The following RHOBTB1 variants were observed in gnomAD, a reference collection of about 807,000 sequenced individuals.
The protein encoded by RHOBTB1 is Rho related BTB domain containing 1.
Under a neutral mutation model 71.6 loss-of-function variants are expected in RHOBTB1, and 40 were observed. The ratio of observed to expected loss-of-function variants is 0.56; its 90% confidence interval spans 0.43 to 0.73. RHOBTB1 has a LOEUF of 0.73. RHOBTB1 is among the 30% of genes least tolerant of loss of function. RHOBTB1 has a pLI of 0.00. For synonymous variants in RHOBTB1, 319 were observed against 334.9 expected (o/e 0.95, Z 0.52); for missense variants, 797 against 894.0 (o/e 0.89, Z 1.38).
chr10:60,912,433 C>T (rs1261157227), intron 2 of RHOBTB1, among the ~76,000 whole-genome samples: 1 of 152,028 alleles, frequency 6.6e-6, no homozygotes, highest in Non-Finnish European at 1.5e-5. Flanking sequence ...GGGGTTTTAC[C>T]ATGTTGGCCA....
At chr10:60,880,720 G>A (rs1324741338) in intron 7 of RHOBTB1, among the ~76,000 whole-genome samples, 1 of 152,084 alleles carries the variant, frequency 6.6e-6, no homozygotes, top group East Asian at 1.9e-4. Context: ...GCAATACACA[G>A]ATGTTGGAAC....
chr10:60,942,251 A>G (rs73266038), intron 1 of RHOBTB1, among the ~76,000 whole-genome samples: 1,880 of 152,334 alleles, frequency 0.012, 43 homozygotes, highest in African/African-American at 0.042. Context: ...ATCATAATTA[A>G]AAGACCAAAC....
intron 2 of RHOBTB1, among the ~76,000 whole-genome samples, chr10:60,919,714 C>A (rs2083453814): frequency 6.6e-6 from 1 of 152,158 alleles, no homozygotes; most frequent in African/African-American, 2.4e-5. Flanking sequence ...TACTACAGAA[C>A]CACCTGCTGA....
chr10:60,911,301 AC>A, intron 3 of RHOBTB1, 49 bp downstream of exon 3: 1 of 1,520,788 alleles, frequency 6.6e-7, no homozygotes, highest in Non-Finnish European at 8.9e-7. Flanking sequence ...CAGACTGGCA[AC>A]CAGCAATGAT....
intron 2 of RHOBTB1, among the ~76,000 whole-genome samples, chr10:60,984,378 G>A (rs751446523): frequency 6.6e-5 from 10 of 152,158 alleles, no homozygotes; most frequent in Non-Finnish European, 1.2e-4. Flanking sequence ...TTATTAATAA[G>A]TGTTTTATGC....
chr10:60,985,423 G>A (rs1476808121), intron 2 of RHOBTB1, among the ~76,000 whole-genome samples: 1 of 152,136 alleles, frequency 6.6e-6, no homozygotes, highest in East Asian at 1.9e-4. Flanking sequence ...CCAAGCTAAG[G>A]CATCTGGGAA....
chr10:60,911,026 C>A, intron 3 of RHOBTB1, 36 bp from the exon 4 acceptor site: 2 of 1,557,640 alleles, frequency 1.3e-6, no homozygotes, highest in South Asian at 1.1e-5. Context: ...TGCTCGGTGT[C>A]AGTCAGAAGT....
intron 2 of RHOBTB1, among the ~76,000 whole-genome samples, chr10:60,960,487 T>C (rs1012967512): frequency 6.6e-6 from 1 of 152,206 alleles, no homozygotes; most frequent in African/African-American, 2.4e-5. Context: ...TGTAACATAA[T>C]ATATTGTACC....
chr10:60,998,544 A>G (rs1318574761), intron 1 of RHOBTB1, among the ~76,000 whole-genome samples: 1 of 152,192 alleles, frequency 6.6e-6, no homozygotes. Context: ...GAAGAACAGA[A>G]AGGTGTTCAG....
chr10:60,952,200 ACTGT>A (rs1361846734), intron 2 of RHOBTB1, among the ~76,000 whole-genome samples: 1 of 152,156 alleles, frequency 6.6e-6, no homozygotes, highest in Non-Finnish European at 1.5e-5. Context: ...GAATTTTAAA[ACTGT>A]CTTTTATGGT....
At chr10:60,967,979 A>G (rs980538516) in intron 2 of RHOBTB1, among the ~76,000 whole-genome samples, 5 of 152,096 alleles carry the variant, frequency 3.3e-5, no homozygotes, top group African/African-American at 7.2e-5. Context: ...TCCTAGGAGA[A>G]TTTAGCGCTG....
chr10:60,919,069 G>A (rs938379285), intron 2 of RHOBTB1, among the ~76,000 whole-genome samples: 2 of 152,134 alleles, frequency 1.3e-5, no homozygotes, highest in Non-Finnish European at 2.9e-5. Flanking sequence ...TTCTATCAAG[G>A]CATGGTGAGC....
chr10:60,899,639 T>C (rs796304203), intron 4 of RHOBTB1, among the ~76,000 whole-genome samples: 17 of 152,330 alleles, frequency 1.1e-4, no homozygotes, highest in African/African-American at 3.1e-4. Context: ...GTATTATTCA[T>C]CAACCATCTA....
intron 1 of RHOBTB1, among the ~76,000 whole-genome samples, chr10:60,995,804 C>G (rs2087027817): frequency 6.6e-6 from 1 of 151,674 alleles, no homozygotes; most frequent in Non-Finnish European, 1.5e-5. Flanking sequence ...TATTCAAATC[C>G]AGAAATCAAT....
At chr10:60,887,989 C>G (rs1403118785) in intron 6 of RHOBTB1, among the ~76,000 whole-genome samples, 1 of 152,204 alleles carries the variant, frequency 6.6e-6, no homozygotes, top group East Asian at 1.9e-4. Flanking sequence ...CCTAACCTCT[C>G]TGTCCCTTGG....
chr10:60,957,523 T>G (rs1258538494), intron 2 of RHOBTB1, among the ~76,000 whole-genome samples: 1 of 152,156 alleles, frequency 6.6e-6, no homozygotes, highest in Non-Finnish European at 1.5e-5. Flanking sequence ...CCCAGATTGG[T>G]GCAGTGGTGC....
intron 2 of RHOBTB1, among the ~76,000 whole-genome samples, chr10:60,966,470 G>T (rs34920987): frequency 1.5e-3 from 226 of 150,964 alleles, no homozygotes; most frequent in Non-Finnish European, 2.4e-3. Context: ...AGGAGTTTGA[G>T]ATCAGCTTGG....
chr10:60,882,856 G>A (rs768760190), intron 7 of RHOBTB1, among the ~76,000 whole-genome samples: 7 of 152,136 alleles, frequency 4.6e-5, no homozygotes, highest in South Asian at 4.1e-4. Context: ...CCTTAACCCC[G>A]TATGGAAAGA....
chr10:60,898,144 C>A (rs2082248752), intron 4 of RHOBTB1, among the ~76,000 whole-genome samples: 1 of 152,090 alleles, frequency 6.6e-6, no homozygotes, highest in African/African-American at 2.4e-5. Context: ...TTAGGAGAGA[C>A]TCCCCATATC....
Sources: gnomAD v4.1 joint callset for allele counts (sites outside exome capture counted in the v4.1 genomes callset) on GRCh38, gnomAD v4.1.1 for gene constraint, MANE v1.5 for transcripts, NCBI Gene and HGNC (gene_info 2026-07-23, HGNC 2026-07-21) for gene names.